Variants in PRIM2 observed in about 807,000 individuals in gnomAD.
PRIM2 encodes the protein DNA primase large subunit.
In PRIM2, 39 loss-of-function variants were observed where a neutral mutation model predicts 67.3. That is an observed-to-expected ratio of 0.58 (90% CI 0.45 to 0.76). The LOEUF (loss-of-function observed/expected upper bound fraction) is 0.76. Among genes scored for constraint, PRIM2 ranks in the 30% least tolerant of loss-of-function variants. The pLI is 0.00. For synonymous variants in PRIM2, 143 were observed against 198.7 expected, an observed-to-expected ratio of 0.72 and a Z score of 2.36; for missense variants, 398 against 598.7, an observed-to-expected ratio of 0.66 and a Z score of 3.50.
At chr6:57,405,545 G>C (rs1321480240) in intron 7 of PRIM2, among the ~76,000 whole-genome samples, 2 of 135,930 alleles carry the variant, frequency 1.5e-5, no homozygotes, top group East Asian at 4.0e-4. Context: ...ATAGTAATAG[G>C]ATTGGCCACA....
chr6:57,509,806 T>G (rs1445442722), intron 8 of PRIM2, among the ~76,000 whole-genome samples: 3 of 149,070 alleles, frequency 2.0e-5, no homozygotes, highest in Non-Finnish European at 4.5e-5. Flanking sequence ...TTAAATGTAT[T>G]TAACATAATT....
At chr6:57,527,468 C>A (rs1405350870) in intron 8 of PRIM2, among the ~76,000 whole-genome samples, 1 of 152,178 alleles carries the variant, frequency 6.6e-6, no homozygotes, top group Admixed American at 6.5e-5. Context: ...CTTTCTCCAT[C>A]GTTACCACTA....
chr6:57,551,708 G>A (rs2127475175), intron 10 of PRIM2, among the ~76,000 whole-genome samples: 1 of 152,268 alleles, frequency 6.6e-6, no homozygotes, highest in Admixed American at 6.5e-5. Flanking sequence ...TTACATTCTG[G>A]TTGAGGAGAG....
the PRIM2 span, among the ~76,000 whole-genome samples, chr6:57,257,775 T>TA: frequency 1.3e-5 from 2 of 152,230 alleles, no homozygotes; most frequent in East Asian, 3.8e-4. Context: ...ATCTGCCTCA[T>TA]AGAGTTATCA....
chr6:57,528,783 C>T (rs1339524420), intron 8 of PRIM2, among the ~76,000 whole-genome samples: 2 of 152,200 alleles, frequency 1.3e-5, no homozygotes, highest in African/African-American at 4.8e-5. Flanking sequence ...ATGCTGTTGT[C>T]TCTCTTACAA....
chr6:57,410,770 T>C (rs1771063169), intron 7 of PRIM2, among the ~76,000 whole-genome samples: 1 of 152,170 alleles, frequency 6.6e-6, no homozygotes, highest in Non-Finnish European at 1.5e-5. Flanking sequence ...GCTACGATGT[T>C]TAATAGAAGT....
intron 7 of PRIM2, among the ~76,000 whole-genome samples, chr6:57,499,410 C>T (rs1774079692): frequency 6.6e-6 from 1 of 152,160 alleles, no homozygotes; most frequent in African/African-American, 2.4e-5. Context: ...TCTTCTGAAG[C>T]AGGCCATAAA....
At chr6:57,370,212 T>C (rs904171679) in intron 5 of PRIM2, among the ~76,000 whole-genome samples, 2 of 152,176 alleles carry the variant, frequency 1.3e-5, no homozygotes, top group Admixed American at 1.3e-4. Context: ...CCATTTAATC[T>C]TGTCTTGCTC....
At chr6:57,457,422 G>A (rs1772834690) in intron 7 of PRIM2, among the ~76,000 whole-genome samples, 1 of 152,214 alleles carries the variant, frequency 6.6e-6, no homozygotes, top group African/African-American at 2.4e-5. Flanking sequence ...TCCTTGAGCT[G>A]TGGAGGGCTC....
At chr6:57,336,394 A>T (rs970592258) in intron 5 of PRIM2, among the ~76,000 whole-genome samples, 5 of 152,190 alleles carry the variant, frequency 3.3e-5, no homozygotes, top group African/African-American at 1.2e-4. Flanking sequence ...AGCAACTGCA[A>T]GACACATAGT....
At chr6:57,226,558 A>G in the PRIM2 span, among the ~76,000 whole-genome samples, 2 of 152,234 alleles carry the variant, frequency 1.3e-5, no homozygotes, top group African/African-American at 4.8e-5. Context: ...CTTGCAGGTC[A>G]TATTAGGTAA....
chr6:57,387,078 C>T (rs1770179660), intron 7 of PRIM2, among the ~76,000 whole-genome samples: 1 of 152,180 alleles, frequency 6.6e-6, no homozygotes, highest in African/African-American at 2.4e-5. Flanking sequence ...GGCCCAGAAC[C>T]TTCCCTTTAA....
chr6:57,419,673 T>A (rs1771398474), intron 7 of PRIM2, among the ~76,000 whole-genome samples: 1 of 152,126 alleles, frequency 6.6e-6, no homozygotes, highest in Non-Finnish European at 1.5e-5. Context: ...GAATTTATTA[T>A]AGGATTGGAG....
At chr6:57,574,949 G>T (rs1378408779) in intron 10 of PRIM2, among the ~76,000 whole-genome samples, 1 of 152,032 alleles carries the variant, frequency 6.6e-6, no homozygotes, top group Non-Finnish European at 1.5e-5. Context: ...CATTGTTGTG[G>T]GTGCTTAAAG....
chr6:57,270,636 T>C, the PRIM2 span, among the ~76,000 whole-genome samples: 1 of 152,188 alleles, frequency 6.6e-6, no homozygotes, highest in African/African-American at 2.4e-5. Context: ...TCCTGCCTGA[T>C]TGCCCCGGCC....
chr6:57,268,127 G>T, the PRIM2 span, among the ~76,000 whole-genome samples: 3 of 152,140 alleles, frequency 2.0e-5, no homozygotes, highest in Admixed American at 6.5e-5. Flanking sequence ...TGGTTGGAAG[G>T]TTCTATGAGT....
chr6:57,244,324 A>G, the PRIM2 span, among the ~76,000 whole-genome samples: 2 of 152,196 alleles, frequency 1.3e-5, no homozygotes, highest in Non-Finnish European at 2.9e-5. Flanking sequence ...CAAACTGTTC[A>G]CTGGAATAAA....
intron 12 of PRIM2, among the ~76,000 whole-genome samples, chr6:57,630,950 T>G (rs1375688210): frequency 6.8e-6 from 1 of 147,740 alleles, no homozygotes; most frequent in Non-Finnish European, 1.5e-5. Flanking sequence ...GGCCAGATAG[T>G]CAGACTGGCA....
intron 7 of PRIM2, among the ~76,000 whole-genome samples, chr6:57,481,099 T>C (rs1296904366): frequency 3.9e-5 from 6 of 152,214 alleles, no homozygotes; most frequent in Admixed American, 6.6e-5. Flanking sequence ...ACATTAACTA[T>C]ATTATAATAT....
Sources: gnomAD v4.1 joint callset for allele counts (sites outside exome capture counted in the v4.1 genomes callset) on GRCh38, gnomAD v4.1.1 for gene constraint, MANE v1.5 for transcripts, NCBI Gene and HGNC (gene_info 2026-07-23, HGNC 2026-07-21) for gene names.